IL17RB: variants seen among roughly 807,000 people sequenced by gnomAD.
IL17RB encodes the protein interleukin-17 receptor B.
A neutral mutation model predicts 43.9 loss-of-function variants in IL17RB; 36 were observed. That is an observed-to-expected ratio of 0.82 (90% CI 0.63 to 1.08). The LOEUF is 1.08. Among genes scored for constraint, IL17RB ranks in the 50% least tolerant of loss-of-function variants. IL17RB has a pLI of 0.00. For synonymous variants in IL17RB, 225 were observed against 225.4 expected (o/e 1.00, Z 0.02); for missense variants, 613 against 613.6 (o/e 1.00, Z 0.01).
At chr3:53,862,714 A>C (rs187894028) in intron 10 of IL17RB, among the ~76,000 whole-genome samples, 1 of 152,342 alleles carries the variant, frequency 6.6e-6, no homozygotes, top group African/African-American at 2.4e-5. Context: ...AATCGACATT[A>C]AACAATCTGG....
intron 9 of IL17RB, 181 bp from the exon 10 acceptor site, chr3:53,859,949 G>A: frequency 2.0e-6 from 1 of 496,542 alleles, no homozygotes; most frequent in Non-Finnish European, 3.6e-6. Flanking sequence ...GACGGAGGCT[G>A]CAGTGAACCG....
At chr3:53,848,737 G>A in intron 2 of IL17RB, 49 bp downstream of exon 2, 1 of 1,598,722 alleles carries the variant, frequency 6.3e-7, no homozygotes, top group Non-Finnish European at 8.6e-7. Context: ...TGAAAGCACA[G>A]TTGGACTTTT....
chr3:53,853,046 C>CTT, intron 5 of IL17RB, 49 bp downstream of exon 5: 1 of 1,609,880 alleles, frequency 6.2e-7, no homozygotes, highest in Non-Finnish European at 8.5e-7. Flanking sequence ...GGGATGCCTG[C>CTT]TTTGCGATAT....
chr3:53,857,200 A>G (rs111637425), intron 7 of IL17RB, among the ~76,000 whole-genome samples: 6 of 152,334 alleles, frequency 3.9e-5, no homozygotes, highest in African/African-American at 1.4e-4. Flanking sequence ...CCTTCTTTAC[A>G]CATGGTCTAG....
chr3:53,851,925 G>T, intron 3 of IL17RB, 74 bp from the exon 4 acceptor site: 1 of 1,529,090 alleles, frequency 6.5e-7, no homozygotes, highest in South Asian at 1.1e-5. Flanking sequence ...AAGCATGCTA[G>T]TAAAGCATCT....
Position 53,857,640 on chromosome 3 carries a change from G to A in IL17RB, c.697G>A (p.Ala233Thr), listed in dbSNP as rs747784497. The A allele has an allele frequency of 2.5e-6, 4 of 1,614,076 alleles. No homozygotes were observed. The highest frequency in any genetic ancestry group is 2.7e-5 in the African/African-American group (2 of 74,924). Reference sequence around the variant, plus strand: ...GCCACACCAGAAGAAACAAACGCGAGCTTCAGTGGTGATTCCAGTGACTGG... The same window carrying A: ...GCCACACCAGAAGAAACAAACGCGAACTTCAGTGGTGATTCCAGTGACTGG... ...FEPHQKKQTR[A>T]SVVIPVTGDS... Residue 233 changes from alanine to threonine, a missense_variant, in exon 8 of 11, where the codon GCT (alanine) becomes ACT (threonine). Transcript: ENST00000288167.
intron 9 of IL17RB, 59 bp from the exon 10 acceptor site, chr3:53,860,071 A>T: frequency 1.7e-6 from 2 of 1,157,586 alleles, no homozygotes; most frequent in South Asian, 1.3e-5. Context: ...CTTAGTTTTT[A>T]AATTAAGAGA....
At chr3:53,850,472 C>T (rs1699096827) in intron 3 of IL17RB, among the ~76,000 whole-genome samples, 1 of 144,118 alleles carries the variant, frequency 6.9e-6, no homozygotes, top group South Asian at 2.2e-4. Context: ...ACTCCAGCAG[C>T]CTGGGCAACA....
At chr3:53,848,191 A>C (rs1012802561) in intron 1 of IL17RB, among the ~76,000 whole-genome samples, 1 of 152,248 alleles carries the variant, frequency 6.6e-6, no homozygotes, top group Admixed American at 6.5e-5. Flanking sequence ...AACATTTTAA[A>C]GAACCTGAGG....
chr3:53,861,975 T>A (rs1478511898), intron 10 of IL17RB, among the ~76,000 whole-genome samples: 2 of 152,168 alleles, frequency 1.3e-5, no homozygotes, highest in South Asian at 2.1e-4. Context: ...ACTGGCCTTA[T>A]CTATAAAGCT....
At chr3:53,863,695 G>A (rs1699656372) in intron 10 of IL17RB, among the ~76,000 whole-genome samples, 1 of 152,152 alleles carries the variant, frequency 6.6e-6, no homozygotes, top group Non-Finnish European at 1.5e-5. Flanking sequence ...TCTACCACCT[G>A]CAGGTAGAAG....
At chr3:53,861,156 T>A (rs928280498) in intron 10 of IL17RB, 1 of 152,118 alleles carries the variant, frequency 6.6e-6, no homozygotes, top group African/African-American at 2.4e-5. Flanking sequence ...GTAAAAAGTA[T>A]CTCCAGTGGT....
chr3:53,855,412 T>A, intron 6 of IL17RB, 71 bp downstream of exon 6: 1 of 1,089,390 alleles, frequency 9.2e-7, no homozygotes, highest in Non-Finnish European at 1.4e-6. Context: ...GCTCTCTTCA[T>A]CTTTGCACAG....
Position 53,853,001 on chromosome 3 carries a change from A to G in IL17RB, c.481+4A>G, listed in dbSNP as rs771264833. The G allele has an allele frequency of 6.2e-7, 1 of 1,614,004 alleles. No homozygotes were observed. Among genetic ancestry groups the G allele is most frequent in the Non-Finnish European group, 8.5e-7 (1 of 1,179,916 alleles). On this transcript the variant is annotated splice_donor_region_variant and intron_variant, in intron 5 of 10. Transcript: ENST00000288167. ...TCTGTGAATTTCACCTCACCAGGTAAACTTCCTCATTTGTTTATTATTCTT... is the reference window on the plus strand; with the variant it reads ...TCTGTGAATTTCACCTCACCAGGTAGACTTCCTCATTTGTTTATTATTCTT...
At chr3:53,857,852 C>G (rs1336731916) in intron 8 of IL17RB, 162 bp downstream of exon 8, 2 of 673,198 alleles carry the variant, frequency 3.0e-6, no homozygotes, top group African/African-American at 3.6e-5. Context: ...CTCCACCGTG[C>G]TGAGGTCAGG....
intron 6 of IL17RB, among the ~76,000 whole-genome samples, chr3:53,856,316 G>C (rs554598841): frequency 5.3e-5 from 8 of 152,350 alleles, no homozygotes; most frequent in African/African-American, 1.7e-4. Flanking sequence ...TTTTCTGCCA[G>C]AGCAGACCTA....
At chr3:53,849,502 C>G (rs1699053196) in intron 2 of IL17RB, among the ~76,000 whole-genome samples, 153 bp from the exon 3 acceptor site, 2 of 134,030 alleles carry the variant, frequency 1.5e-5, no homozygotes, top group Non-Finnish European at 3.1e-5. Flanking sequence ...AGAGTGAGAC[C>G]CCATCTCTAC....
At chr3:53,860,411 G>C (rs1699519780) in intron 10 of IL17RB, 183 bp downstream of exon 10, 3 of 437,696 alleles carry the variant, frequency 6.9e-6, no homozygotes, top group Non-Finnish European at 8.1e-6. Context: ...ACACATGCCA[G>C]GTGAAAGCAG....
At chr3:53,851,948 G>C (rs759503932) in intron 3 of IL17RB, 51 bp from the exon 4 acceptor site, 2 of 1,608,270 alleles carry the variant, frequency 1.2e-6, no homozygotes, top group South Asian at 2.2e-5. Flanking sequence ...CATCAAGTCA[G>C]CCACACAGCA....
Sources: gnomAD v4.1 joint callset for allele counts (sites outside exome capture counted in the v4.1 genomes callset) on GRCh38, gnomAD v4.1.1 for gene constraint, MANE v1.5 for transcripts, NCBI Gene and HGNC (gene_info 2026-07-23, HGNC 2026-07-21) for gene names.